PUS10: variants seen among roughly 807,000 people sequenced by gnomAD.
PUS10 encodes tRNA pseudouridine synthase Pus10.
A neutral mutation model predicts 75.0 loss-of-function variants in PUS10; 59 were observed. The observed-to-expected ratio is 0.79, with a 90% CI of 0.64 to 0.98. The LOEUF (loss-of-function observed/expected upper bound fraction) is 0.98. Ranked by LOEUF, PUS10 falls within the 50% of genes least tolerant of loss-of-function variation. PUS10 has a pLI of 0.00. For synonymous variants in PUS10, 219 were observed against 211.6 expected (o/e 1.03, Z -0.30); for missense variants, 650 against 614.4 (o/e 1.06, Z -0.61).
At chr2:61,009,066 G>T (rs1380365769) in intron 2 of PUS10, 51 bp from the exon 3 acceptor site, 1 of 1,499,432 alleles carries the variant, frequency 6.7e-7, no homozygotes. Flanking sequence ...ATGTCCTTAA[G>T]GCTTTCTAGG....
At chr2:60,965,542 T>G (rs1012486320) in intron 6 of PUS10, 58 bp from the exon 7 acceptor site, 8 of 1,176,496 alleles carry the variant, frequency 6.8e-6, no homozygotes, top group Non-Finnish European at 9.8e-6. Context: ...TCTAACAACT[T>G]ATTAATGGAA....
chr2:60,985,086 G>A (rs1340993390), intron 4 of PUS10, among the ~76,000 whole-genome samples: 1 of 152,082 alleles, frequency 6.6e-6, no homozygotes, highest in Admixed American at 6.5e-5. Context: ...AAATTTAAAG[G>A]TTATTTTAAA....
At chr2:60,996,001 C>G (rs1462550760) in intron 4 of PUS10, among the ~76,000 whole-genome samples, 1 of 152,188 alleles carries the variant, frequency 6.6e-6, no homozygotes, top group African/African-American at 2.4e-5. Context: ...CATCTTTAAG[C>G]ATTTAAATAT....
chr2:60,957,011 A>G (rs1366522023), intron 11 of PUS10, among the ~76,000 whole-genome samples: 2 of 151,480 alleles, frequency 1.3e-5, no homozygotes, highest in East Asian at 3.9e-4. Flanking sequence ...GAAAGAAAAA[A>G]AAAGAAAAAT....
chr2:61,010,607 G>T (rs562186677), intron 2 of PUS10: 9 of 615,874 alleles, frequency 1.5e-5, no homozygotes, highest in Admixed American at 9.2e-5. Flanking sequence ...TTACAGGCGT[G>T]AGCCACCGCA....
At chr2:60,964,787 G>A (rs1676235636) in intron 8 of PUS10, among the ~76,000 whole-genome samples, 1 of 152,172 alleles carries the variant, frequency 6.6e-6, no homozygotes, top group South Asian at 2.1e-4. Context: ...TAACATCACT[G>A]AAACACTGAT....
intron 4 of PUS10, among the ~76,000 whole-genome samples, chr2:60,973,277 C>T (rs1022998509): frequency 6.6e-6 from 1 of 152,214 alleles, no homozygotes; most frequent in Admixed American, 6.5e-5. Flanking sequence ...GGGGAAAACG[C>T]AAAGAGGCAG....
At chr2:60,960,343 CAAAAAAAA>C in intron 11 of PUS10, 41 bp downstream of exon 11, 1 of 1,138,640 alleles carries the variant, frequency 8.8e-7, no homozygotes, top group Admixed American at 3.9e-5. Context: ...GCCCCTATCT[CAAAAAAAA>C]AAAAAAAAAG....
intron 4 of PUS10, among the ~76,000 whole-genome samples, chr2:60,981,802 T>C (rs1337025439): frequency 2.0e-5 from 3 of 152,168 alleles, no homozygotes; most frequent in Non-Finnish European, 4.4e-5. Context: ...TGTAATCACA[T>C]AGCCTCTGGA....
At chr2:60,990,226 A>G (rs1412930023) in intron 4 of PUS10, among the ~76,000 whole-genome samples, 1 of 152,208 alleles carries the variant, frequency 6.6e-6, no homozygotes, top group Admixed American at 6.5e-5. Flanking sequence ...ATTTATGAAA[A>G]GCTAAACAAG....
intron 4 of PUS10, among the ~76,000 whole-genome samples, chr2:61,004,364 C>T (rs1679057252): frequency 6.6e-6 from 1 of 152,246 alleles, no homozygotes; most frequent in Non-Finnish European, 1.5e-5. Flanking sequence ...GTGGCTCACG[C>T]CTGTAATTCC....
At chr2:60,963,234 T>C (rs1325479297) in intron 8 of PUS10, among the ~76,000 whole-genome samples, 1 of 152,196 alleles carries the variant, frequency 6.6e-6, no homozygotes, top group Non-Finnish European at 1.5e-5. Context: ...GGAAGTGTGA[T>C]TTAATTTTTT....
At chr2:60,998,218 G>C (rs1445901387) in intron 4 of PUS10, among the ~76,000 whole-genome samples, 5 of 152,296 alleles carry the variant, frequency 3.3e-5, no homozygotes, top group African/African-American at 1.2e-4. Context: ...CTAATGGCCT[G>C]AGAGTTTAAG....
Position 60,962,878 on chromosome 2 carries a change from T to C in PUS10, c.736A>G (p.Arg246Gly). 6.4e-7 allele frequency: 1 copy of C among 1,569,200 alleles called. No individual in the cohort carries two copies. Among genetic ancestry groups the C allele is most frequent in the Non-Finnish European group, 8.6e-7 (1 of 1,164,152 alleles). ...TTCAAGGCTTTCATAACTGCCATTCTAGTGAATACAGACTATATAGGGTAA... is the reference window on the plus strand; with the variant it reads ...TTCAAGGCTTTCATAACTGCCATTCCAGTGAATACAGACTATATAGGGTAA... Reference protein sequence around the residue: ...PAKNKQSVFTRMAVMKALNKI... With the variant: ...PAKNKQSVFTGMAVMKALNKI... The change falls in exon 9 of 18, where the codon AGA becomes GGA. Residue 246 changes from arginine to glycine, a missense_variant. Transcript: ENST00000316752.
chr2:61,011,754 A>T lies in PUS10; in HGVS notation c.126+11T>A. On this transcript the variant is annotated intron_variant, in intron 2 of 17. Transcript: ENST00000316752. ...TTAATTTGAAAAAAAAAAAAAAAGA[A>T]AAGAAAATACCTTGTATGGAAGTTT... 1 of 1,515,702 alleles carries T rather than the reference A, an allele frequency of 6.6e-7. No homozygotes were observed. The highest frequency in any genetic ancestry group is 8.8e-7 in the Non-Finnish European group (1 of 1,138,930). 93.9% of individuals were successfully genotyped at this position (1,515,702 alleles called of 1,614,324 possible).
At chr2:61,017,049 C>T (rs939013674) in intron 1 of PUS10, 5 of 152,334 alleles carry the variant, frequency 3.3e-5, no homozygotes, top group Admixed American at 6.5e-5. Flanking sequence ...TCCCACTCAC[C>T]CCTCCTTTGC....
chr2:61,012,834 C>CA lies in PUS10; in HGVS notation c.-15-930dup, dbSNP rs70959885. On this transcript the variant is annotated intron_variant, in intron 1 of 17. Transcript: ENST00000316752. ...GGGCAACAAGGGAGAAACTCCGTCT[C>CA]AAAAAAAAAAAAAAAAAAAAAAAAA... 1.7e-3 allele frequency among the ~76,000 whole-genome samples: 50 copies of CA among 30,166 alleles called. 7 individuals are homozygous for CA. The highest frequency in any genetic ancestry group is 2.5e-3 in the East Asian group (2 of 808). 19.8% of individuals were successfully genotyped at this position (30,166 alleles called of 152,430 possible). A position where few individuals can be genotyped will look rare whatever the true frequency, so the allele number is the denominator to read the frequency against.
chr2:60,948,145 T>G lies in PUS10; in HGVS notation c.1349A>C (p.His450Pro). The part of the protein sequence containing the change: ...IDQKTPLRVL[H>P]RRPLAVRARV... ...AGCTCGCACAGCCAGGGGCCTTCGG[T>G]GAAGGACGCGCAAAGGTGTTTTCTG... Residue 450 changes from histidine to proline, a missense_variant, in exon 16 of 18, where the codon CAC becomes CCC. Coordinates refer to ENST00000316752, the MANE Select transcript of PUS10 (RefSeq NM_144709.4). 13 of 1,614,058 alleles carry G rather than the reference T, an allele frequency of 8.1e-6. No homozygotes were observed. Among genetic ancestry groups the G allele is most frequent in the Non-Finnish European group, 1.1e-5 (13 of 1,179,974 alleles).
At chr2:61,017,944 C>A (rs1680123302) in intron 1 of PUS10, 64 bp downstream of exon 1, 4 of 1,393,924 alleles carry the variant, frequency 2.9e-6, no homozygotes, top group Admixed American at 4.1e-5. Flanking sequence ...GAGGTATTCC[C>A]TTCCCCCCTT....
Sources: gnomAD v4.1 joint callset for allele counts (sites outside exome capture counted in the v4.1 genomes callset) on GRCh38, gnomAD v4.1.1 for gene constraint, MANE v1.5 for transcripts, NCBI Gene and HGNC (gene_info 2026-07-23, HGNC 2026-07-21) for gene names.